Variants in DCC observed in about 807,000 individuals in gnomAD.
The protein encoded by DCC is DCC netrin 1 receptor.
DCC carries 58 observed loss-of-function variants against 172.5 expected under a neutral mutation model. The observed-to-expected ratio is 0.34, with a 90% CI of 0.27 to 0.42. The LOEUF is 0.42. Among genes scored for constraint, DCC ranks in the 10% least tolerant of loss-of-function variants. The pLI, the probability that DCC is intolerant of heterozygous loss-of-function variation, is 1.00. For missense variants in DCC, 1,740 were observed against 1,791.0 expected (o/e 0.97, Z 0.51); for synonymous variants, 709 against 644.5 (o/e 1.10, Z -1.52).
intron 5 of DCC, among the ~76,000 whole-genome samples, chr18:52,964,065 T>C (rs2040889452): frequency 6.6e-6 from 1 of 152,134 alleles, no homozygotes; most frequent in African/African-American, 2.4e-5. Flanking sequence ...TGATATGATA[T>C]GATAAGTACA....
At chr18:53,119,021 C>T (rs533608331) in intron 7 of DCC, among the ~76,000 whole-genome samples, 1 of 151,800 alleles carries the variant, frequency 6.6e-6, no homozygotes, top group East Asian at 2.0e-4. Context: ...CTGGTCATTC[C>T]TCTGTGCTCC....
At chr18:52,693,558 T>C (rs2035965260) in intron 1 of DCC, among the ~76,000 whole-genome samples, 1 of 151,534 alleles carries the variant, frequency 6.6e-6, no homozygotes. Context: ...AGCAGTGATG[T>C]TCCAGTAGCA....
chr18:53,338,142 C>T (rs567280041), intron 14 of DCC, among the ~76,000 whole-genome samples: 1 of 152,170 alleles, frequency 6.6e-6, no homozygotes, highest in South Asian at 2.1e-4. Context: ...TTTAGCCAAT[C>T]AAAATATTTA....
At chr18:52,980,597 TAATAA>T (rs1191664293) in intron 5 of DCC, among the ~76,000 whole-genome samples, 3 of 152,014 alleles carry the variant, frequency 2.0e-5, no homozygotes, top group Admixed American at 6.6e-5. Flanking sequence ...GCAATAATTC[TAATAA>T]AATAATGCAA....
At position 52,863,757 on chromosome 18, in the gene DCC, A is replaced by G. The variant is rs2039179602; in HGVS notation, c.413-42287A>G. 2.0e-5 allele frequency among the ~76,000 whole-genome samples: 3 copies of G among 151,930 alleles called. No homozygotes were observed. In the South Asian group the frequency reaches 6.2e-4, roughly 32 times the overall value. Reference sequence around the variant, plus strand: ...TATTTTTAACAACTATGTTTGGTAAATTTCATAAGACAAATCTAGCCATCA... The same window carrying G: ...TATTTTTAACAACTATGTTTGGTAAGTTTCATAAGACAAATCTAGCCATCA... On this transcript the variant is annotated intron_variant, in intron 2 of 28. Transcript: ENST00000442544.
At chr18:52,686,867 A>G (rs1568041661) in intron 1 of DCC, among the ~76,000 whole-genome samples, 1 of 152,150 alleles carries the variant, frequency 6.6e-6, no homozygotes, top group African/African-American at 2.4e-5. Flanking sequence ...GTCCTTCTCT[A>G]CAATTTCCCC....
chr18:52,374,891 C>G (rs1985279397), intron 1 of DCC, among the ~76,000 whole-genome samples: 1 of 152,126 alleles, frequency 6.6e-6, no homozygotes. Context: ...AAGGTAGAAA[C>G]AAATGTGTTA....
chr18:52,868,558 T>C (rs1013760091), intron 2 of DCC, among the ~76,000 whole-genome samples: 1 of 152,230 alleles, frequency 6.6e-6, no homozygotes, highest in Non-Finnish European at 1.5e-5. Context: ...TCTTTGCTCA[T>C]TCCTAGGCAT....
intron 1 of DCC, among the ~76,000 whole-genome samples, chr18:52,580,259 G>T (rs1286359922): frequency 6.6e-6 from 1 of 152,106 alleles, no homozygotes; most frequent in Non-Finnish European, 1.5e-5. Flanking sequence ...CTTTTGTTTT[G>T]TTTGTTTTGT....
intron 25 of DCC, among the ~76,000 whole-genome samples, chr18:53,471,245 T>C (rs1445546792): frequency 1.3e-5 from 2 of 152,232 alleles, no homozygotes; most frequent in East Asian, 3.9e-4. Flanking sequence ...CAATATGTAA[T>C]AATCACATCG....
intron 2 of DCC, among the ~76,000 whole-genome samples, chr18:52,806,463 G>C (rs1428330934): frequency 6.6e-6 from 1 of 152,112 alleles, no homozygotes; most frequent in Admixed American, 6.5e-5. Flanking sequence ...TACCTTTTTA[G>C]TGCCCTGAAG....
At chr18:52,990,082 G>A (rs2041359733) in intron 5 of DCC, among the ~76,000 whole-genome samples, 1 of 152,180 alleles carries the variant, frequency 6.6e-6, no homozygotes, top group African/African-American at 2.4e-5. Flanking sequence ...TCATTTTACA[G>A]TGACAAAATT....
chr18:52,979,552 A>G (rs74483937), intron 5 of DCC, among the ~76,000 whole-genome samples: 3,254 of 152,290 alleles, frequency 0.021, 60 homozygotes, highest in Admixed American at 0.039. Context: ...TGTATTCGTC[A>G]AATTCAGTTA....
intron 1 of DCC, among the ~76,000 whole-genome samples, chr18:52,381,352 A>C (rs1297303763): frequency 1.3e-5 from 2 of 152,166 alleles, no homozygotes; most frequent in Admixed American, 1.3e-4. Flanking sequence ...TAAGGGTGGA[A>C]TCTTGTTATG....
In DCC at chr18:53,207,605, G is replaced by C. The variant is rs1598906995; in HGVS notation, c.1723-74G>C. 3.7e-6 allele frequency: 5 copies of C among 1,354,972 alleles called. No individual in the cohort carries two copies. In the East Asian group the frequency reaches 1.1e-4, roughly 31 times the overall value. 83.9% of individuals were successfully genotyped at this position (1,354,972 alleles called of 1,614,324 possible). A position where few individuals can be genotyped will look rare whatever the true frequency, so the allele number is the denominator to read the frequency against. ...GTAAGAGTCTAATGTCCAATTCACT[G>C]ATTGCACAGAATGAGTGCCATTTCT... is the stretch of plus-strand genomic sequence containing the variant. On this transcript the variant is annotated intron_variant, in intron 10 of 28. Coordinates refer to ENST00000442544, the MANE Select transcript of DCC (RefSeq NM_005215.4).
chr18:52,575,971 G>A (rs1004335289), intron 1 of DCC, among the ~76,000 whole-genome samples: 6 of 152,056 alleles, frequency 3.9e-5, no homozygotes, highest in Non-Finnish European at 7.4e-5. Context: ...CATTCAGATG[G>A]GTAAGCGAAG....
intron 5 of DCC, among the ~76,000 whole-genome samples, chr18:53,002,712 G>T (rs2041585124): frequency 6.6e-6 from 1 of 152,036 alleles, no homozygotes; most frequent in South Asian, 2.1e-4. Flanking sequence ...CAACGTGCAG[G>T]TTTGTTACAT....
chr18:52,960,404 T>A (rs866740014), intron 5 of DCC, among the ~76,000 whole-genome samples: 1 of 152,190 alleles, frequency 6.6e-6, no homozygotes, highest in Non-Finnish European at 1.5e-5. Flanking sequence ...TCATTTCTTT[T>A]AATGTCTACA....
At chr18:52,940,702 G>A (rs916949117) in intron 5 of DCC, among the ~76,000 whole-genome samples, 22 of 152,170 alleles carry the variant, frequency 1.4e-4, no homozygotes, top group African/African-American at 4.6e-4. Context: ...TACAAACTAT[G>A]CTGATATGAT....
Sources: allele counts gnomAD v4.1 joint callset (sites outside exome capture counted in the v4.1 genomes callset), GRCh38; gene constraint gnomAD v4.1.1; transcripts MANE v1.5; gene names NCBI Gene and HGNC (gene_info 2026-07-23, HGNC 2026-07-21).